The following DMXL1 variants were observed in gnomAD, a reference collection of about 807,000 sequenced individuals.
DMXL1 encodes Dmx like 1.
Under a neutral mutation model 319.2 loss-of-function variants are expected in DMXL1, and 99 were observed. The ratio of observed to expected loss-of-function variants is 0.31; its 90% CI spans 0.26 to 0.37. DMXL1 has a LOEUF of 0.37. Among genes scored for constraint, DMXL1 ranks in the 10% least tolerant of loss-of-function variants. The pLI is 1.00. For synonymous variants in DMXL1, 1,385 were observed against 1,235.2 expected (o/e 1.12, Z -2.54); for missense variants, 3,745 against 3,595.6 (o/e 1.04, Z -1.06).
intron 28 of DMXL1, among the ~76,000 whole-genome samples, chr5:119,185,571 T>C (rs1173573609): frequency 1.3e-5 from 2 of 152,086 alleles, no homozygotes; most frequent in Non-Finnish European, 2.9e-5. Flanking sequence ...GGCATGATCC[T>C]GGCTCACTGC....
At chr5:119,221,360 G>GT (rs1784617170) in intron 37 of DMXL1, among the ~76,000 whole-genome samples, 1 of 152,110 alleles carries the variant, frequency 6.6e-6, no homozygotes, top group South Asian at 2.1e-4. Flanking sequence ...TCAGCAAGGT[G>GT]TTCCCCATAG....
intron 43 of DMXL1, among the ~76,000 whole-genome samples, chr5:119,245,706 A>AT (rs754425040): frequency 2.6e-5 from 4 of 151,798 alleles, no homozygotes; most frequent in Admixed American, 6.6e-5. Context: ...CACCCTGCTA[A>AT]TTTTTTGTGT....
intron 6 of DMXL1, among the ~76,000 whole-genome samples, chr5:119,114,771 C>T (rs538896214): frequency 9.2e-5 from 14 of 152,236 alleles, no homozygotes; most frequent in East Asian, 7.7e-4. Flanking sequence ...CAGGTTAAAG[C>T]GATTCTCCTG....
At position 119,197,906 on chromosome 5, in the gene DMXL1, T is replaced by C. The variant is rs1455833174; in HGVS notation, c.7695T>C (p.Pro2565=). ...HTAEESLSAG[P]AILRHKALLE... Reference sequence around the variant, plus strand: ...CCGAAGAGAGTTTGTCTGCAGGTCCTGCAATTCTTCGCCACAAAGCTTTAC... The same window carrying C: ...CCGAAGAGAGTTTGTCTGCAGGTCCCGCAATTCTTCGCCACAAAGCTTTAC... Residue 2565 remains proline, a synonymous_variant, in exon 32 of 44, where the codon CCT becomes CCC. Coordinates refer to ENST00000539542, the MANE Select transcript of DMXL1 (RefSeq NM_001290321.3). 2 of 1,614,236 alleles carry C rather than the reference T, an allele frequency of 1.2e-6. No homozygotes were observed. Among genetic ancestry groups the C allele is most frequent in the Non-Finnish European group, 1.7e-6 (2 of 1,180,024 alleles).
At chr5:119,161,014 C>T (rs747817671) in intron 19 of DMXL1, among the ~76,000 whole-genome samples, 2 of 152,070 alleles carry the variant, frequency 1.3e-5, no homozygotes, top group Admixed American at 6.5e-5. Flanking sequence ...TAGTTTGTTT[C>T]GAGATATAAT....
At chr5:119,110,021 C>T (rs574204847) in intron 4 of DMXL1, 130 bp from the exon 5 acceptor site, 99 of 706,824 alleles carry the variant, frequency 1.4e-4, no homozygotes, top group Non-Finnish European at 2.1e-4. Context: ...CAGCCTTCTC[C>T]TCCGTTCTTC....
chr5:119,097,723 A>G (rs535579152), intron 1 of DMXL1, among the ~76,000 whole-genome samples: 1 of 152,208 alleles, frequency 6.6e-6, no homozygotes, highest in Admixed American at 6.5e-5. Context: ...TCTCAAAAGA[A>G]AAAATAAAAA....
chr5:119,130,237 T>G (rs972636303), intron 10 of DMXL1, among the ~76,000 whole-genome samples: 1 of 152,198 alleles, frequency 6.6e-6, no homozygotes, highest in African/African-American at 2.4e-5. Context: ...TCCAGTTTGA[T>G]TCTTTGCTTA....
At position 119,167,646 on chromosome 5, in the gene DMXL1, T is replaced by C; in HGVS notation, c.5180T>C (p.Ile1727Thr). 1.2e-6 allele frequency: 2 copies of C among 1,610,422 alleles called. No homozygotes were observed. The highest frequency in any genetic ancestry group is 8.5e-7 in the Non-Finnish European group (1 of 1,177,558). ...KLNDIQLALV[I>T]ARLYESEFDT... ...AATGACATTCAGTTGGCTCTTGTAA[T>C]AGCAAGACTCTATGAGTCTGAATTT... Residue 1727 changes from isoleucine (I) to threonine (T), a missense_variant, in exon 23 of 44, where the codon ATA (isoleucine) becomes ACA (threonine). Ile to Thr is a moderately conservative substitution (Grantham distance 89, BLOSUM62 -1). This residue lies in a region of DMXL1 where 1,382 missense variants were observed against 1,269.5 expected (regional missense o/e 1.09). Coordinates refer to ENST00000539542, the MANE Select transcript of DMXL1 (RefSeq NM_001290321.3).
At chr5:119,220,900 A>G (rs1784535512) in intron 36 of DMXL1, 40 bp from the exon 37 acceptor site, 1 of 1,591,420 alleles carries the variant, frequency 6.3e-7, no homozygotes, top group Non-Finnish European at 8.6e-7. Flanking sequence ...AAAGAAAGAA[A>G]TGATGAGTTG....
intron 28 of DMXL1, among the ~76,000 whole-genome samples, chr5:119,179,121 A>G (rs1776347746): frequency 6.6e-6 from 1 of 152,126 alleles, no homozygotes; most frequent in Non-Finnish European, 1.5e-5. Context: ...AAACAATTGT[A>G]TCCCCGTTTA....
At chr5:119,230,283 C>G (rs1786432288) in intron 38 of DMXL1, among the ~76,000 whole-genome samples, 1 of 152,164 alleles carries the variant, frequency 6.6e-6, no homozygotes, top group African/African-American at 2.4e-5. Context: ...AACCAACAAA[C>G]TTAAATTTGC....
chr5:119,160,396 G>A (rs1476218669), intron 19 of DMXL1, among the ~76,000 whole-genome samples: 2 of 152,140 alleles, frequency 1.3e-5, no homozygotes, highest in Non-Finnish European at 2.9e-5. Flanking sequence ...GATCAGAAAA[G>A]ATACTTCATA....
At chr5:119,215,748 A>G (rs1046591909) in intron 34 of DMXL1, among the ~76,000 whole-genome samples, 2 of 152,210 alleles carry the variant, frequency 1.3e-5, no homozygotes, top group Non-Finnish European at 2.9e-5. Context: ...TGCTGATTTC[A>G]GATAATTTAT....
rs752769053 is a variant in DMXL1, at chr5:119,114,556, T to G, written c.564+15T>G. 1 of 1,576,716 alleles carries G rather than the reference T, an allele frequency of 6.3e-7. No homozygotes were observed. The highest frequency in any genetic ancestry group is 1.2e-5 in the South Asian group (1 of 86,266). ...CTGCTGGGAAGGTAAATTGTGAAAATGCTATTGCCAAATTATGTGTTTATA... is the reference window on the plus strand; with the variant it reads ...CTGCTGGGAAGGTAAATTGTGAAAAGGCTATTGCCAAATTATGTGTTTATA... On this transcript the variant is annotated intron_variant, in intron 6 of 43. Transcript: ENST00000539542.
chr5:119,125,645 A>G (rs1339001357), intron 9 of DMXL1, among the ~76,000 whole-genome samples: 2 of 150,248 alleles, frequency 1.3e-5, no homozygotes, highest in East Asian at 2.0e-4. Context: ...GCTCACAGCA[A>G]ACTCCACCTC....
chr5:119,240,539 G>C, intron 42 of DMXL1, 68 bp downstream of exon 42: 7 of 1,162,356 alleles, frequency 6.0e-6, no homozygotes, highest in Non-Finnish European at 8.8e-6. Context: ...TTATTTATAA[G>C]TGGATTTGTT....
intron 19 of DMXL1, among the ~76,000 whole-genome samples, chr5:119,159,992 C>T (rs894329435): frequency 1.3e-5 from 2 of 152,114 alleles, no homozygotes; most frequent in African/African-American, 2.4e-5. Flanking sequence ...GGAAAGTGTT[C>T]AGGTTTTTTT....
rs1765467899 is a variant in DMXL1 at position 119,133,977 on chromosome 5, C to A, written c.2053C>A (p.Gln685Lys). Residue 685 changes from glutamine (Q) to lysine (K), a missense_variant, in exon 12 of 44, where the codon CAA (glutamine) becomes AAA (lysine). This residue lies in a region of DMXL1 where 2,096 missense variants were observed against 1,985.4 expected (regional missense o/e 1.06). Coordinates refer to ENST00000539542, the MANE Select transcript of DMXL1 (RefSeq NM_001290321.3). ...AAATATTGAAGAATGCTCTTTGACACAACAAAATAAAAGCACTGTTGACGT... is the reference window on the plus strand; with the variant it reads ...AAATATTGAAGAATGCTCTTTGACAAAACAAAATAAAAGCACTGTTGACGT... ...ALNIEECSLT[Q>K]QNKSTVDVAF... 5 of 1,614,168 alleles carry A rather than the reference C, an allele frequency of 3.1e-6. No individual in the cohort carries two copies. In the East Asian group the frequency reaches 1.1e-4, roughly 36 times the overall value.
Sources: gnomAD v4.1 joint callset for allele counts (sites outside exome capture counted in the v4.1 genomes callset) on GRCh38, gnomAD v4.1.1 for gene constraint, gnomAD v4.1.1 regional missense constraint, MANE v1.5 for transcripts, NCBI Gene and HGNC (gene_info 2026-07-23, HGNC 2026-07-21) for gene names.